Variants in ASAP1 observed in about 807,000 individuals in gnomAD.
The protein encoded by ASAP1 is ArfGAP with SH3 domain, ankyrin repeat and PH domain 1, also known as arf-GAP with SH3 domain, ANK repeat and PH domain-containing protein 1.
In ASAP1, 43 loss-of-function variants were observed where a neutral mutation model predicts 145.2. That is an observed-to-expected ratio of 0.30 (90% CI 0.23 to 0.38). ASAP1 has a LOEUF of 0.38. Among genes scored for constraint, ASAP1 ranks in the 10% least tolerant of loss-of-function variants. The probability of loss-of-function intolerance (pLI) is 1.00; values close to 1 mark genes in which losing one functional copy is unlikely to be tolerated. For synonymous variants in ASAP1, 546 were observed against 515.5 expected (o/e 1.06, Z -0.80); for missense variants, 1,018 against 1,355.3 (o/e 0.75, Z 3.91).
intron 13 of ASAP1, among the ~76,000 whole-genome samples, chr8:130,143,931 A>G (rs1420804621): frequency 2.0e-5 from 3 of 152,224 alleles, no homozygotes; most frequent in Non-Finnish European, 4.4e-5. Context: ...GCTCTGCTTT[A>G]CAAACAAGAA....
intron 3 of ASAP1, among the ~76,000 whole-genome samples, 159 bp from the exon 4 acceptor site, chr8:130,237,153 TG>T (rs1818265055): frequency 6.6e-6 from 1 of 152,146 alleles, no homozygotes; most frequent in Admixed American, 6.6e-5. Flanking sequence ...TGGAAGTCCC[TG>T]GGATCTGAGT....
intron 9 of ASAP1, 44 bp downstream of exon 9, chr8:130,179,220 G>A (rs1157754953): frequency 7.7e-6 from 9 of 1,161,776 alleles, no homozygotes; most frequent in Non-Finnish European, 9.0e-6. Context: ...AAGTACAGGG[G>A]GCAGTAATTG....
chr8:130,378,955 T>C (rs1162754458), intron 2 of ASAP1, among the ~76,000 whole-genome samples: 1 of 152,164 alleles, frequency 6.6e-6, no homozygotes, highest in Non-Finnish European at 1.5e-5. Flanking sequence ...AAAAATAGAT[T>C]TGGTCTTTGT....
At chr8:130,430,753 T>A (rs1287860655) in intron 1 of ASAP1, among the ~76,000 whole-genome samples, 2 of 152,012 alleles carry the variant, frequency 1.3e-5, no homozygotes, top group African/African-American at 4.8e-5. Context: ...GAAGGTGTAT[T>A]CAGAATTGGT....
chr8:130,209,843 G>A (rs1222768870), intron 5 of ASAP1, among the ~76,000 whole-genome samples: 1 of 152,014 alleles, frequency 6.6e-6, no homozygotes, highest in East Asian at 1.9e-4. Flanking sequence ...TCGGACTCCA[G>A]TATTTGCCAA....
At chr8:130,272,097 C>T (rs540199508) in intron 3 of ASAP1, among the ~76,000 whole-genome samples, 2 of 152,026 alleles carry the variant, frequency 1.3e-5, no homozygotes, top group Non-Finnish European at 2.9e-5. Context: ...CTTGGGAGAT[C>T]AGGCTGCAGT....
chr8:130,055,765 G>A (rs796090492), intron 29 of ASAP1, among the ~76,000 whole-genome samples: 14 of 152,272 alleles, frequency 9.2e-5, no homozygotes, highest in African/African-American at 3.1e-4. Context: ...AAACAAAATC[G>A]TGCATATTGG....
intron 3 of ASAP1, among the ~76,000 whole-genome samples, chr8:130,318,205 C>T (rs894781771): frequency 6.6e-6 from 1 of 152,192 alleles, no homozygotes; most frequent in African/African-American, 2.4e-5. Flanking sequence ...CCTCAGCCCC[C>T]CAAGTGGCTG....
intron 24 of ASAP1, among the ~76,000 whole-genome samples, chr8:130,107,944 G>A (rs1055711036): frequency 9.9e-5 from 15 of 152,182 alleles, no homozygotes; most frequent in African/African-American, 3.6e-4. Flanking sequence ...AGCTGTCTAG[G>A]CAGCCATGGT....
intron 27 of ASAP1, among the ~76,000 whole-genome samples, chr8:130,072,828 C>CG (rs1158661625): frequency 3.6e-5 from 1 of 27,686 alleles, no homozygotes; most frequent in African/African-American, 2.7e-4. Context: ...TGTGTGTGCG[C>CG]GCGGGGGGGG....
chr8:130,183,534 G>A (rs2136192227), intron 7 of ASAP1, among the ~76,000 whole-genome samples: 1 of 152,118 alleles, frequency 6.6e-6, no homozygotes, highest in Admixed American at 6.6e-5. Context: ...TAGAGACAAG[G>A]TTTTGCCACG....
chr8:130,262,692 T>C (rs994996564), intron 3 of ASAP1, among the ~76,000 whole-genome samples: 4 of 152,168 alleles, frequency 2.6e-5, no homozygotes, highest in Admixed American at 6.5e-5. Context: ...ATTTATAAAA[T>C]AGGCTCCATT....
chr8:130,231,812 A>G (rs918123143), intron 4 of ASAP1, among the ~76,000 whole-genome samples: 3 of 152,338 alleles, frequency 2.0e-5, no homozygotes, highest in Admixed American at 2.0e-4. Context: ...TTTTTAAACA[A>G]TACTGAGAAG....
chr8:130,352,855 A>G (rs916686418), intron 3 of ASAP1, among the ~76,000 whole-genome samples: 3 of 152,262 alleles, frequency 2.0e-5, no homozygotes, highest in Admixed American at 6.5e-5. Context: ...AAACATTTCT[A>G]TATCTTCAGA....
chr8:130,062,385 A>C (rs1233136594), intron 27 of ASAP1, among the ~76,000 whole-genome samples: 1 of 152,254 alleles, frequency 6.6e-6, no homozygotes. Context: ...GTCTAGTCAT[A>C]TCTCTAAAAA....
intron 3 of ASAP1, among the ~76,000 whole-genome samples, chr8:130,307,061 GT>G (rs949848981): frequency 6.6e-6 from 1 of 152,102 alleles, no homozygotes; most frequent in Non-Finnish European, 1.5e-5. Flanking sequence ...TCCTTACTAA[GT>G]TTTTTCCACC....
intron 1 of ASAP1, among the ~76,000 whole-genome samples, chr8:130,427,447 A>G (rs1829963996): frequency 6.6e-6 from 1 of 152,196 alleles, no homozygotes; most frequent in Admixed American, 6.5e-5. Context: ...AGAATCCCAC[A>G]TGTGGACAGG....
intron 27 of ASAP1, among the ~76,000 whole-genome samples, chr8:130,072,833 G>C (rs555893827): frequency 1.5e-5 from 2 of 129,828 alleles, no homozygotes; most frequent in Admixed American, 7.6e-5. Context: ...GTGCGCGCGG[G>C]GGGGGGCAGT....
chr8:130,213,595 C>T (rs1469941970), intron 5 of ASAP1, among the ~76,000 whole-genome samples: 2 of 152,086 alleles, frequency 1.3e-5, no homozygotes, highest in Admixed American at 6.5e-5. Context: ...AAGCACAATA[C>T]CAAGAGACTG....
Sources: gnomAD v4.1 joint callset for allele counts (sites outside exome capture counted in the v4.1 genomes callset) on GRCh38, gnomAD v4.1.1 for gene constraint, MANE v1.5 for transcripts, NCBI Gene and HGNC (gene_info 2026-07-23, HGNC 2026-07-21) for gene names.